CHLSN: variants seen among roughly 807,000 people sequenced by gnomAD.
CHLSN encodes the protein cholesin.
chr7:1,027,723 G>A, the CHLSN span, among the ~76,000 whole-genome samples: 1 of 152,268 alleles, frequency 6.6e-6, no homozygotes, highest in African/African-American at 2.4e-5. Context: ...GAAAGCCCCT[G>A]GCTTCCGAGC....
chr7:1,041,252 GCTCC>G, the CHLSN span, among the ~76,000 whole-genome samples: 1 of 151,344 alleles, frequency 6.6e-6, no homozygotes, highest in African/African-American at 2.4e-5. Flanking sequence ...GGGGACCTGG[GCTCC>G]GCGCTGCGGG....
chr7:1,135,002 A>G, the CHLSN span, among the ~76,000 whole-genome samples: 2 of 152,180 alleles, frequency 1.3e-5, no homozygotes, highest in African/African-American at 4.8e-5. Context: ...CACGTGGCTA[A>G]ATCCCATTGC....
At chr7:1,107,265 C>T in the CHLSN span, among the ~76,000 whole-genome samples, 1 of 152,150 alleles carries the variant, frequency 6.6e-6, no homozygotes, top group Non-Finnish European at 1.5e-5. Flanking sequence ...CACAGCCCGC[C>T]TAGGAATGGG....
At chr7:1,092,561 T>C in the CHLSN span, 1 of 1,610,310 alleles carries the variant, frequency 6.2e-7, no homozygotes, top group Non-Finnish European at 8.5e-7. Context: ...GAGAACGTCT[T>C]CATCAGCGTG....
chr7:1,068,012 C>T, the CHLSN span, among the ~76,000 whole-genome samples: 6 of 152,208 alleles, frequency 3.9e-5, no homozygotes, highest in African/African-American at 1.4e-4. Flanking sequence ...AAACCCAGAG[C>T]TGCGTTTGGA....
chr7:980,698 T>C, the CHLSN span, among the ~76,000 whole-genome samples: 1 of 148,386 alleles, frequency 6.7e-6, no homozygotes, highest in Non-Finnish European at 1.5e-5. Flanking sequence ...TTTTTTTTTT[T>C]TTTTTTTGAG....
the CHLSN span, among the ~76,000 whole-genome samples, chr7:1,051,554 A>C: frequency 6.6e-6 from 1 of 152,244 alleles, no homozygotes; most frequent in East Asian, 1.9e-4. Context: ...CCAGCCTTGA[A>C]GCTGTAAAGA....
the CHLSN span, among the ~76,000 whole-genome samples, chr7:1,030,702 A>G: frequency 6.6e-6 from 1 of 151,152 alleles, no homozygotes; most frequent in Non-Finnish European, 1.5e-5. Context: ...CTCCCCAGGC[A>G]GGCGGGGACT....
the CHLSN span, among the ~76,000 whole-genome samples, chr7:1,131,756 A>T: frequency 6.6e-6 from 1 of 152,234 alleles, no homozygotes. Context: ...ATCTATATTC[A>T]TTCTGTAAGT....
the CHLSN span, among the ~76,000 whole-genome samples, chr7:1,016,309 G>C: frequency 1.1e-4 from 5 of 45,756 alleles, 1 homozygote; most frequent in East Asian, 8.9e-4. Flanking sequence ...GCACATAGCA[G>C]CACAGCAGCA....
At chr7:1,084,318 G>A in the CHLSN span, among the ~76,000 whole-genome samples, 3,711 of 152,342 alleles carry the variant, frequency 0.024, 84 homozygotes, top group Non-Finnish European at 0.042. Context: ...GTGGGAAGGG[G>A]CTCTCGGCCT....
chr7:1,117,668 G>A, the CHLSN span, among the ~76,000 whole-genome samples: 2 of 116,306 alleles, frequency 1.7e-5, no homozygotes, highest in East Asian at 2.6e-4. Context: ...CATCACCGAC[G>A]CCCATGCAGG....
the CHLSN span, among the ~76,000 whole-genome samples, chr7:1,126,300 C>A: frequency 2.3e-5 from 3 of 131,530 alleles, no homozygotes; most frequent in East Asian, 6.9e-4. Context: ...GCGGAGCTGG[C>A]AGTGAGCCAA....
At chr7:1,033,880 C>T in the CHLSN span, among the ~76,000 whole-genome samples, 3 of 152,226 alleles carry the variant, frequency 2.0e-5, no homozygotes, top group Admixed American at 2.0e-4. Flanking sequence ...GGCACATCTG[C>T]AGGTGCTCCT....
chr7:1,054,757 C>T, the CHLSN span, among the ~76,000 whole-genome samples: 1 of 152,196 alleles, frequency 6.6e-6, no homozygotes, highest in Non-Finnish European at 1.5e-5. Flanking sequence ...TGTGTGGGGC[C>T]GGCTCAGCTT....
the CHLSN span, among the ~76,000 whole-genome samples, chr7:1,117,781 C>A: frequency 6.7e-6 from 1 of 150,012 alleles, no homozygotes. Flanking sequence ...CCGACGCCCA[C>A]GCAGCATGAC....
the CHLSN span, among the ~76,000 whole-genome samples, chr7:1,106,370 T>C: frequency 6.6e-6 from 1 of 152,100 alleles, no homozygotes; most frequent in Non-Finnish European, 1.5e-5. Context: ...CCAGCGCTTC[T>C]GAGGGCCCCT....
At chr7:1,054,624 C>T in the CHLSN span, among the ~76,000 whole-genome samples, 5 of 152,216 alleles carry the variant, frequency 3.3e-5, no homozygotes, top group African/African-American at 1.2e-4. Context: ...CTTGGCCTCA[C>T]GGCGGGGCAG....
chr7:1,100,036 C>T, the CHLSN span, among the ~76,000 whole-genome samples: 1 of 152,204 alleles, frequency 6.6e-6, no homozygotes, highest in Non-Finnish European at 1.5e-5. Flanking sequence ...AACATCTGAG[C>T]CCCCGTCCCC....
Sources: allele counts gnomAD v4.1 joint callset (sites outside exome capture counted in the v4.1 genomes callset), GRCh38; gene constraint gnomAD v4.1.1; transcripts MANE v1.5; gene names NCBI Gene and HGNC (gene_info 2026-07-23, HGNC 2026-07-21).